Variants in DNAH6 observed in about 807,000 individuals in gnomAD.
DNAH6 encodes the protein axonemal beta dynein heavy chain 6.
A neutral mutation model predicts 491.4 loss-of-function variants in DNAH6; 340 were observed. The ratio of observed to expected loss-of-function variants is 0.69; its 90% CI spans 0.63 to 0.76. The LOEUF (loss-of-function observed/expected upper bound fraction) is 0.76. DNAH6 is among the 30% of genes least tolerant of loss of function. The probability of loss-of-function intolerance (pLI) is 0.00; values close to 1 mark genes in which losing one functional copy is unlikely to be tolerated. For synonymous variants in DNAH6, 1,603 were observed against 1,686.1 expected, an observed-to-expected ratio of 0.95 and a Z score of 1.21; for missense variants, 4,443 against 4,972.2, an observed-to-expected ratio of 0.89 and a Z score of 3.20.
intron 5 of DNAH6, among the ~76,000 whole-genome samples, chr2:84,546,658 G>A (rs551543920): frequency 6.6e-6 from 1 of 152,236 alleles, no homozygotes; most frequent in Non-Finnish European, 1.5e-5. Context: ...TGGATATTTG[G>A]ATTGCTTCCA....
At chr2:84,611,596 T>C in intron 21 of DNAH6, 78 bp from the exon 22 acceptor site, 1 of 1,229,704 alleles carries the variant, frequency 8.1e-7, no homozygotes, top group Non-Finnish European at 1.1e-6. Context: ...AGTGATTCCC[T>C]GTGTCATGAT....
intron 12 of DNAH6, among the ~76,000 whole-genome samples, chr2:84,574,560 C>CT (rs369494206): frequency 1.3e-5 from 2 of 152,082 alleles, no homozygotes; most frequent in Non-Finnish European, 2.9e-5. Context: ...AAACTGACTC[C>CT]TTTTTTTCAA....
chr2:84,634,540 G>A lies in DNAH6; in HGVS notation c.4552G>A (p.Gly1518Arg). ...GRFFSGLAQS[G>R]AWCCFDEFNR... ...CTTCTTCAGTGGCTTGGCACAGTCA[G>A]GGGCCTGGTGCTGCTTTGATGAATT... The change falls in exon 30 of 77, where the codon GGG becomes AGG. Residue 1518 changes from glycine (G) to arginine (R), a missense_variant. By Grantham distance (125) the Gly-to-Arg change is moderately radical (BLOSUM62 -2). Transcript: ENST00000389394. 6.5e-7 allele frequency: 1 copy of A among 1,548,780 alleles called. No individual in the cohort carries two copies. Among genetic ancestry groups the A allele is most frequent in the Non-Finnish European group, 8.7e-7 (1 of 1,145,922 alleles).
chr2:84,670,602 C>G lies in DNAH6; in HGVS notation c.6454+127C>G, dbSNP rs939191225. 8.0e-5 allele frequency: 57 copies of G among 712,850 alleles called. No homozygotes were observed. In the African/African-American group the frequency reaches 1.0e-3, roughly 13 times the overall value. 44.2% of individuals were successfully genotyped at this position (712,850 alleles called of 1,614,324 possible). On this transcript the variant is annotated intron_variant, in intron 39 of 76. Coordinates refer to ENST00000389394, the MANE Select transcript of DNAH6 (RefSeq NM_001370.2). ...GCTTAATTTACTTGTAAAGGTGATT[C>G]TGTTCATGGCATTTTTATGCTAGCT...
chr2:84,489,561 TTC>T, the DNAH6 span, among the ~76,000 whole-genome samples: 1 of 152,126 alleles, frequency 6.6e-6, no homozygotes, highest in African/African-American at 2.4e-5. Context: ...TACAAATGTA[TTC>T]TTTCTCTTTC....
intron 63 of DNAH6, among the ~76,000 whole-genome samples, chr2:84,748,839 T>C (rs1673198015): frequency 6.6e-6 from 1 of 152,230 alleles, no homozygotes; most frequent in Admixed American, 6.5e-5. Context: ...AGAAGTCCAT[T>C]GGGCTCACAG....
the DNAH6 span, among the ~76,000 whole-genome samples, chr2:84,465,690 T>C: frequency 1.8e-3 from 273 of 152,276 alleles, no homozygotes; most frequent in Non-Finnish European, 3.0e-3. Context: ...ATGATTCCAA[T>C]ATGTGCCCAG....
chr2:84,481,535 T>A, the DNAH6 span, among the ~76,000 whole-genome samples: 3 of 152,158 alleles, frequency 2.0e-5, no homozygotes, highest in Admixed American at 1.3e-4. Flanking sequence ...TCAGCAGAGA[T>A]CACAGCAGTG....
At chr2:84,508,155 C>T in the DNAH6 span, among the ~76,000 whole-genome samples, 1 of 152,162 alleles carries the variant, frequency 6.6e-6, no homozygotes, top group African/African-American at 2.4e-5. Context: ...CCAGCTCCTC[C>T]TTGTACCTCT....
chr2:84,774,032 T>TAA (rs1331550738), intron 64 of DNAH6, among the ~76,000 whole-genome samples: 2 of 152,118 alleles, frequency 1.3e-5, no homozygotes, highest in African/African-American at 4.8e-5. Flanking sequence ...ACCCTGTTGA[T>TAA]AGTTTCTTTT....
the DNAH6 span, among the ~76,000 whole-genome samples, chr2:84,487,656 G>A: frequency 6.6e-6 from 1 of 152,332 alleles, no homozygotes; most frequent in Admixed American, 6.5e-5. Flanking sequence ...AGCCCTTGTA[G>A]ACACTTGCCA....
chr2:84,655,406 CT>C (rs1395119290), intron 35 of DNAH6, among the ~76,000 whole-genome samples: 1 of 152,096 alleles, frequency 6.6e-6, no homozygotes, highest in African/African-American at 2.4e-5. Flanking sequence ...CAGAATTTTC[CT>C]CTTTAGCTTA....
chr2:84,541,570 A>C lies in DNAH6; in HGVS notation c.663-2663A>C, dbSNP rs573329336. 2.5e-3 allele frequency among the ~76,000 whole-genome samples: 378 copies of C among 152,358 alleles called. 2 individuals carry two copies. Among genetic ancestry groups the C allele is most frequent in the Non-Finnish European group, 4.4e-3 (297 of 68,038 alleles). On this transcript the variant is annotated intron_variant, in intron 4 of 76. Coordinates refer to ENST00000389394, the MANE Select transcript of DNAH6 (RefSeq NM_001370.2). ...TTAAGTAGGTGGCAGGGTCAAGAAAAGATTTTCTATGTGCTAAAGGGACAT... is the reference window on the plus strand; with the variant it reads ...TTAAGTAGGTGGCAGGGTCAAGAAACGATTTTCTATGTGCTAAAGGGACAT...
chr2:84,729,684 A>G (rs1422200163), intron 61 of DNAH6, among the ~76,000 whole-genome samples: 1 of 152,198 alleles, frequency 6.6e-6, no homozygotes, highest in East Asian at 1.9e-4. Context: ...TAAAATTACC[A>G]TCATCAGAAA....
chr2:84,615,813 T>C (rs752369291), intron 22 of DNAH6, among the ~76,000 whole-genome samples: 3 of 151,978 alleles, frequency 2.0e-5, no homozygotes, highest in Non-Finnish European at 4.4e-5. Flanking sequence ...CTTGCAGCTA[T>C]TGTAAAAGGG....
chr2:84,752,581 G>A (rs1015561687), intron 63 of DNAH6, among the ~76,000 whole-genome samples: 4 of 151,698 alleles, frequency 2.6e-5, no homozygotes, highest in South Asian at 2.1e-4. Flanking sequence ...ATAACCCCCC[G>A]AAAAAACGCC....
At chr2:84,530,158 G>T (rs906803632) in intron 4 of DNAH6, among the ~76,000 whole-genome samples, 1 of 152,096 alleles carries the variant, frequency 6.6e-6, no homozygotes, top group Non-Finnish European at 1.5e-5. Flanking sequence ...TGCCCTCATG[G>T]AACTGACATT....
intron 59 of DNAH6, among the ~76,000 whole-genome samples, chr2:84,722,033 G>A (rs938592632): frequency 1.3e-5 from 2 of 152,152 alleles, no homozygotes; most frequent in African/African-American, 2.4e-5. Flanking sequence ...CCAAAATGCA[G>A]AAAACCAAAA....
chr2:84,657,088 G>A (rs1041386924), intron 35 of DNAH6, among the ~76,000 whole-genome samples: 1 of 151,966 alleles, frequency 6.6e-6, no homozygotes, highest in Non-Finnish European at 1.5e-5. Context: ...TGAAAAGACT[G>A]TCCTTTCTCC....
Sources: allele counts gnomAD v4.1 joint callset (sites outside exome capture counted in the v4.1 genomes callset), GRCh38; gene constraint gnomAD v4.1.1; transcripts MANE v1.5; gene names NCBI Gene and HGNC (gene_info 2026-07-23, HGNC 2026-07-21).